RNF19A: variants seen among roughly 807,000 people sequenced by gnomAD.
RNF19A encodes ring finger protein 19A, RBR E3 ubiquitin protein ligase.
RNF19A carries 32 observed loss-of-function variants against 75.7 expected under a neutral mutation model. The observed-to-expected ratio is 0.42, with a 90% CI of 0.32 to 0.57. RNF19A has a LOEUF of 0.57. RNF19A is among the 20% of genes least tolerant of loss of function. The pLI is 0.10. For missense variants in RNF19A, 782 were observed against 1,036.3 expected, an observed-to-expected ratio of 0.75 and a Z score of 3.37; for synonymous variants, 335 against 345.2, an observed-to-expected ratio of 0.97 and a Z score of 0.33.
chr8:100,289,619 T>TA (rs1821194348), intron 1 of RNF19A, among the ~76,000 whole-genome samples: 1 of 152,180 alleles, frequency 6.6e-6, no homozygotes, highest in Non-Finnish European at 1.5e-5. Context: ...ATAGGATGGC[T>TA]AAAATTAAAA....
At position 100,269,772 on chromosome 8, in the gene RNF19A, C is replaced by T. The variant is rs1185255314; in HGVS notation, c.1028+97G>A. On this transcript the variant is annotated intron_variant, in intron 4 of 9. Transcript: ENST00000341084. This position sits in a 1 kb window ranked among gnomAD's most constrained non-coding sequence, Gnocchi z 5.7. The stretch of plus-strand genomic sequence containing the variant: ...TATTTAACTAGAATAAAACCAATCC[C>T]TTTAAGTATCTTATAAAACCCAAAT... The T allele has an allele frequency of 1.3e-5, 11 of 831,266 alleles. No individual in the cohort carries two copies. In the Admixed American group the frequency reaches 3.7e-4, roughly 28 times the overall value. The allele number at this position is 831,266 out of a possible 1,614,324, so 51.5% of individuals were successfully genotyped here.
chr8:100,264,857 T>G lies in RNF19A; in HGVS notation c.1192-72A>C. 8.7e-7 allele frequency: 1 copy of G among 1,148,668 alleles called. No homozygotes were observed. Among genetic ancestry groups the G allele is most frequent in the Non-Finnish European group, 1.3e-6 (1 of 767,060 alleles). 71.2% of individuals were successfully genotyped at this position (1,148,668 alleles called of 1,614,324 possible). A position where few individuals can be genotyped will look rare whatever the true frequency, so the allele number is the denominator to read the frequency against. ...TACAATTTAACTTAGTTGAAAAAGA[T>G]CTATACTTGCTAAAGTGATTTTTCA... On this transcript the variant is annotated intron_variant, in intron 5 of 9. Transcript: ENST00000341084. The surrounding 1 kb of genome is among the most constrained non-coding windows in gnomAD (Gnocchi z 4.7).
At chr8:100,301,713 A>C (rs886761767) in intron 1 of RNF19A, among the ~76,000 whole-genome samples, 3 of 152,326 alleles carry the variant, frequency 2.0e-5, no homozygotes, top group Admixed American at 6.5e-5. Flanking sequence ...AAGTTACTCC[A>C]TGCTCTTATA....
intron 1 of RNF19A, among the ~76,000 whole-genome samples, chr8:100,294,870 C>T (rs572622196): frequency 6.6e-6 from 1 of 152,252 alleles, no homozygotes; most frequent in South Asian, 2.1e-4. Context: ...GATTTTCTTG[C>T]ATTATTCAAT....
rs1175738582 is a variant in RNF19A, at chr8:100,287,071, G to A, written c.674+430C>T. Among the ~76,000 whole-genome samples the A allele has an allele frequency of 1.3e-5, 2 of 151,110 alleles. No homozygotes were observed. Among genetic ancestry groups the A allele is most frequent in the Non-Finnish European group, 3.0e-5 (2 of 67,786 alleles). On this transcript the variant is annotated intron_variant, in intron 2 of 9. Coordinates refer to ENST00000341084, the MANE Select transcript of RNF19A (RefSeq NM_183419.4). This position sits in a 1 kb window ranked among gnomAD's most constrained non-coding sequence, Gnocchi z 4.1. ...TGCTAAGGTAGGTACCTTTCAAAAG[G>A]GCCATTTATCTCATATGAGAAACAT... is the stretch of plus-strand genomic sequence containing the variant.
At position 100,319,141 on chromosome 8, in the gene RNF19A, G is replaced by GA. The variant is rs1563874015; in HGVS notation, c.-242-5770_-242-5769insT. On this transcript the variant is annotated intron_variant, in intron 1 of 3. Coordinates refer to the RNF19A transcript ENST00000519527. ...CATGGAGTTTCCAAGACTCAAAGAT[G>GA]GACATTCTATGGATGGTTTACTAAG... 2.0e-4 allele frequency among the ~76,000 whole-genome samples: 30 copies of GA among 152,098 alleles called. 1 individual carries two copies. Among genetic ancestry groups the GA allele is most frequent in the African/African-American group, 7.0e-4 (29 of 41,474 alleles).
At chr8:100,315,521 T>C (rs1019562234) in intron 1 of RNF19A, among the ~76,000 whole-genome samples, 4 of 152,202 alleles carry the variant, frequency 2.6e-5, no homozygotes, top group Non-Finnish European at 5.9e-5. Flanking sequence ...TTCAGCACAA[T>C]TGATCATTGG....
At chr8:100,290,215 A>G (rs560156609) in intron 1 of RNF19A, among the ~76,000 whole-genome samples, 13 of 152,232 alleles carry the variant, frequency 8.5e-5, no homozygotes, top group African/African-American at 2.9e-4. Context: ...TTTGGGTTCA[A>G]GCAATTCTCC....
chr8:100,292,889 T>C (rs1178649977), intron 1 of RNF19A, among the ~76,000 whole-genome samples: 1 of 152,220 alleles, frequency 6.6e-6, no homozygotes, highest in Non-Finnish European at 1.5e-5. Context: ...ATATTTACTT[T>C]CTGGTACTTT....
rs1384362241 is a variant in RNF19A, at chr8:100,323,963, C to T, written c.-242-10591G>A. On this transcript the variant is annotated intron_variant, in intron 1 of 3. Transcript: ENST00000519527. This position sits in a 1 kb window ranked among gnomAD's most constrained non-coding sequence, Gnocchi z 4.6. ...AAAAATTTATCTGAGGTCTCGGGGC[C>T]AGAGATCTGTATTCAATTTCAAATT... Among the ~76,000 whole-genome samples, 1 of 152,054 alleles carries T rather than the reference C, an allele frequency of 6.6e-6. No homozygotes were observed. Among genetic ancestry groups the T allele is most frequent in the Non-Finnish European group, 1.5e-5 (1 of 68,006 alleles).
Position 100,331,243 on chromosome 8 carries a change from C to T in RNF19A, c.-243+4865G>A, listed in dbSNP as rs749122184. On this transcript the variant is annotated intron_variant, in intron 1 of 3. Coordinates refer to the RNF19A transcript ENST00000519527. This position sits in a 1 kb window ranked among gnomAD's most constrained non-coding sequence, Gnocchi z 5.2. ...TCAGTTTGGAGAGAATCCAAGTGGCCGTCCTTTTGAACCTTGATTTCACAT... is the reference window on the plus strand; with the variant it reads ...TCAGTTTGGAGAGAATCCAAGTGGCTGTCCTTTTGAACCTTGATTTCACAT... Among the ~76,000 whole-genome samples, 5 of 152,194 alleles carry T rather than the reference C, an allele frequency of 3.3e-5. No homozygotes were observed. Among genetic ancestry groups the T allele is most frequent in the African/African-American group, 7.2e-5 (3 of 41,432 alleles).
chr8:100,304,370 T>G (rs904230122), intron 1 of RNF19A, among the ~76,000 whole-genome samples: 1 of 152,206 alleles, frequency 6.6e-6, no homozygotes, highest in Non-Finnish European at 1.5e-5. Flanking sequence ...CTGCCACCCT[T>G]GCTTTGGATA....
chr8:100,307,098 G>A (rs1660349), intron 1 of RNF19A, among the ~76,000 whole-genome samples: 49,190 of 152,078 alleles, frequency 0.32, 8,630 homozygotes, highest in East Asian at 0.41. Flanking sequence ...TTTTGCCCAA[G>A]GTGGCCTAAT....
At chr8:100,265,351 G>C (rs1165546278) in intron 5 of RNF19A, among the ~76,000 whole-genome samples, 1 of 152,106 alleles carries the variant, frequency 6.6e-6, no homozygotes, top group African/African-American at 2.4e-5. Context: ...CTCATTTATA[G>C]CTCAAAGTAA....
At chr8:100,301,789 GA>G (rs1272537392) in intron 1 of RNF19A, among the ~76,000 whole-genome samples, 3 of 152,144 alleles carry the variant, frequency 2.0e-5, no homozygotes, top group Non-Finnish European at 4.4e-5. Flanking sequence ...AGAAGGTGGG[GA>G]AAAAAGTTAG....
At chr8:100,288,547 C>T (rs1289746830) in intron 1 of RNF19A, among the ~76,000 whole-genome samples, 1 of 152,184 alleles carries the variant, frequency 6.6e-6, no homozygotes, top group Non-Finnish European at 1.5e-5. Flanking sequence ...TTCTCACTGC[C>T]TTTAGCAGGT....
At chr8:100,280,832 A>G (rs1441135939) in intron 2 of RNF19A, among the ~76,000 whole-genome samples, 1 of 152,236 alleles carries the variant, frequency 6.6e-6, no homozygotes, top group Non-Finnish European at 1.5e-5. Flanking sequence ...CCTCTTGAAG[A>G]TGACGTTCCT....
chr8:100,269,038 A>G lies in RNF19A; in HGVS notation c.1029-91T>C, dbSNP rs1342389175. On this transcript the variant is annotated intron_variant, in intron 4 of 9. Transcript: ENST00000341084. The surrounding 1 kb of genome is among the most constrained non-coding windows in gnomAD (Gnocchi z 5.7). ...TATTAAAACAATGACTATTTTTAAA[A>G]ACTTCTCATAGTTAGGAGCTTTTTT... is the stretch of plus-strand genomic sequence containing the variant. The G allele has an allele frequency of 9.5e-7, 1 of 1,058,120 alleles. No individual in the cohort carries two copies. The highest frequency in any genetic ancestry group is 1.3e-6 in the Non-Finnish European group (1 of 775,504). 65.5% of individuals were successfully genotyped at this position (1,058,120 alleles called of 1,614,324 possible).
Position 100,284,103 on chromosome 8 carries a change from T to C in RNF19A, c.674+3398A>G, listed in dbSNP as rs1362205373. ...GATTTAAAAAAAAAAAGCAAAACTT[T>C]GGAAATACAGATGAAGAATAATAAG... is the stretch of plus-strand genomic sequence containing the variant. On this transcript the variant is annotated intron_variant, in intron 2 of 9. Coordinates refer to ENST00000341084, the MANE Select transcript of RNF19A (RefSeq NM_183419.4). The surrounding 1 kb of genome is among the most constrained non-coding windows in gnomAD (Gnocchi z 4.3). Among the ~76,000 whole-genome samples the C allele has an allele frequency of 2.0e-5, 3 of 151,968 alleles. No individual in the cohort carries two copies.
Sources: gnomAD v4.1 joint callset for allele counts (sites outside exome capture counted in the v4.1 genomes callset) on GRCh38, gnomAD v4.1.1 for gene constraint, Gnocchi (gnomAD v3.1) non-coding constraint, MANE v1.5 for transcripts, NCBI Gene and HGNC (gene_info 2026-07-23, HGNC 2026-07-21) for gene names.